RAD51B: variants seen among roughly 807,000 people sequenced by gnomAD.
RAD51B encodes RAD51 paralog B, also known as DNA repair protein RAD51 homolog 2.
A neutral mutation model predicts 42.2 loss-of-function variants in RAD51B; 38 were observed. The ratio of observed to expected loss-of-function variants is 0.90; its 90% CI spans 0.70 to 1.18. The LOEUF (loss-of-function observed/expected upper bound fraction) is 1.18. Ranked by LOEUF, RAD51B falls within the 50% of genes most tolerant of loss-of-function variation. RAD51B has a pLI of 0.00. For missense variants in RAD51B, 373 were observed against 400.7 expected (o/e 0.93, Z 0.59); for synonymous variants, 154 against 145.2 (o/e 1.06, Z -0.43).
intron 7 of RAD51B, among the ~76,000 whole-genome samples, chr14:68,241,554 AT>A (rs1851999528): frequency 6.6e-6 from 1 of 152,248 alleles, no homozygotes; most frequent in South Asian, 2.1e-4. Context: ...ATATAAAAAA[AT>A]AAAAAAAAAT....
At chr14:68,552,370 G>A (rs933843365) in intron 10 of RAD51B, among the ~76,000 whole-genome samples, 2 of 152,094 alleles carry the variant, frequency 1.3e-5, no homozygotes, top group Admixed American at 1.3e-4. Flanking sequence ...GCCCTCACCC[G>A]CTAAATCAAC....
chr14:67,898,015 G>A (rs1234620543), intron 7 of RAD51B, among the ~76,000 whole-genome samples: 1 of 152,118 alleles, frequency 6.6e-6, no homozygotes, highest in Non-Finnish European at 1.5e-5. Context: ...ACAGTTTGGA[G>A]GTTTCTCAAA....
chr14:68,531,533 A>C (rs1887306280), intron 10 of RAD51B, among the ~76,000 whole-genome samples: 1 of 152,200 alleles, frequency 6.6e-6, no homozygotes, highest in Non-Finnish European at 1.5e-5. Flanking sequence ...AGAAAAGATA[A>C]TATTCATGAA....
chr14:68,546,385 G>A (rs781736764), intron 10 of RAD51B, among the ~76,000 whole-genome samples: 5 of 152,322 alleles, frequency 3.3e-5, no homozygotes, highest in East Asian at 3.9e-4. Context: ...TGGTGATATC[G>A]TTGACTGAGA....
intron 7 of RAD51B, among the ~76,000 whole-genome samples, chr14:68,200,258 C>T (rs1473509630): frequency 6.6e-6 from 1 of 152,046 alleles, no homozygotes; most frequent in African/African-American, 2.4e-5. Flanking sequence ...TGGGGGAGCC[C>T]AAGAACATAG....
chr14:68,293,517 C>T (rs763892296), intron 8 of RAD51B, among the ~76,000 whole-genome samples: 5 of 152,054 alleles, frequency 3.3e-5, no homozygotes, highest in African/African-American at 7.2e-5. Context: ...TAGTTCCTGC[C>T]GATATCTTAG....
At chr14:68,170,372 T>A (rs2078846627) in intron 7 of RAD51B, among the ~76,000 whole-genome samples, 1 of 152,224 alleles carries the variant, frequency 6.6e-6, no homozygotes, top group Non-Finnish European at 1.5e-5. Flanking sequence ...CTACAAAATG[T>A]CTGGCTCAGG....
rs1398832977 is a variant in RAD51B at position 68,648,023 on chromosome 14, G to GTATATATATATA, written c.1037-2755_1037-2744dup. ...ATTGAGCATATATATATATATATAC[G>GTATATATATATA]TATATATATATATACACACGTATAT... On this transcript the variant is annotated intron_variant, in intron 10 of 11. Coordinates refer to the RAD51B transcript ENST00000488612. Among the ~76,000 whole-genome samples the GTATATATATATA allele has an allele frequency of 2.4e-3, 69 of 28,636 alleles. 4 individuals carry two copies. The South Asian group carries it at 0.061, about 25-fold the overall frequency. The allele number at this position is 28,636 out of a possible 152,430, so 18.8% of individuals were successfully genotyped here.
At chr14:68,226,794 G>A (rs1039714150) in intron 7 of RAD51B, among the ~76,000 whole-genome samples, 3 of 152,208 alleles carry the variant, frequency 2.0e-5, no homozygotes. Context: ...TACATAGCTA[G>A]TTTCAGTTCT....
intron 7 of RAD51B, among the ~76,000 whole-genome samples, chr14:68,115,226 T>C (rs1221602203): frequency 7.3e-6 from 1 of 136,442 alleles, no homozygotes; most frequent in Admixed American, 7.1e-5. Context: ...TAAAAAATGA[T>C]GAGTTCGTGT....
intron 10 of RAD51B, among the ~76,000 whole-genome samples, chr14:68,504,538 CCATG>C (rs1264582776): frequency 2.0e-5 from 3 of 152,094 alleles, no homozygotes; most frequent in African/African-American, 7.2e-5. Flanking sequence ...TGGGCTGGGC[CCATG>C]CATGATGCTT....
chr14:68,468,081 T>G, intron 9 of RAD51B, 91 bp from the exon 10 acceptor site: 3 of 1,123,276 alleles, frequency 2.7e-6, no homozygotes, highest in Non-Finnish European at 4.1e-6. Context: ...CAGTCCTATG[T>G]TACCACTTTG....
At chr14:68,682,605 C>T (rs1164662594) in intron 11 of RAD51B, among the ~76,000 whole-genome samples, 1 of 152,056 alleles carries the variant, frequency 6.6e-6, no homozygotes, top group Non-Finnish European at 1.5e-5. Context: ...AGGCCCAGAG[C>T]CCCCTGGAAG....
At chr14:68,379,500 C>T (rs749623748) in intron 8 of RAD51B, among the ~76,000 whole-genome samples, 1 of 152,114 alleles carries the variant, frequency 6.6e-6, no homozygotes, top group Non-Finnish European at 1.5e-5. Flanking sequence ...TTAGAGTGGA[C>T]ATGGAGAATG....
chr14:67,884,183 A>T (rs1810241226), intron 5 of RAD51B, among the ~76,000 whole-genome samples: 1 of 152,238 alleles, frequency 6.6e-6, no homozygotes, highest in Non-Finnish European at 1.5e-5. Flanking sequence ...GATCCATTTA[A>T]TACAGTTATT....
chr14:68,374,042 A>G (rs1380059515), intron 8 of RAD51B, among the ~76,000 whole-genome samples: 1 of 152,252 alleles, frequency 6.6e-6, no homozygotes, highest in Non-Finnish European at 1.5e-5. Context: ...CTTTCATACC[A>G]GACATGTTAA....
intron 10 of RAD51B, among the ~76,000 whole-genome samples, chr14:68,635,745 G>C (rs1566960905): frequency 6.6e-6 from 1 of 152,174 alleles, no homozygotes; most frequent in African/African-American, 2.4e-5. Flanking sequence ...TGGGCTAGTG[G>C]CTATTGTATT....
chr14:67,928,417 G>A (rs1463159583), intron 7 of RAD51B, among the ~76,000 whole-genome samples: 1 of 152,158 alleles, frequency 6.6e-6, no homozygotes, highest in Non-Finnish European at 1.5e-5. Flanking sequence ...TGTGTGCGGT[G>A]GCAAAGTAGT....
At chr14:68,399,260 T>G (rs1362537650) in intron 8 of RAD51B, among the ~76,000 whole-genome samples, 5 of 65,320 alleles carry the variant, frequency 7.7e-5, no homozygotes, top group Admixed American at 1.2e-4. Flanking sequence ...TTTTTTTGTG[T>G]TTTTTTTTTT....
Sources: gnomAD v4.1 joint callset for allele counts (sites outside exome capture counted in the v4.1 genomes callset) on GRCh38, gnomAD v4.1.1 for gene constraint, MANE v1.5 for transcripts, NCBI Gene and HGNC (gene_info 2026-07-23, HGNC 2026-07-21) for gene names.